Variants in WLS observed in about 807,000 individuals in gnomAD.
The protein encoded by WLS is protein wntless homolog.
In WLS, 23 loss-of-function variants were observed where a neutral mutation model predicts 62.8. The ratio of observed to expected loss-of-function variants is 0.37; its 90% CI spans 0.26 to 0.52. The LOEUF (loss-of-function observed/expected upper bound fraction) is 0.52, where lower values mean the gene tolerates loss of function less well. Ranked by LOEUF, WLS falls within the 20% of genes least tolerant of loss-of-function variation. WLS has a pLI of 0.92. For missense variants in WLS, 615 were observed against 697.3 expected, an observed-to-expected ratio of 0.88 and a Z score of 1.33; for synonymous variants, 246 against 244.1, an observed-to-expected ratio of 1.01 and a Z score of -0.07.
At chr1:68,148,490 A>C in intron 7 of WLS, 73 bp downstream of exon 7, 1 of 1,485,176 alleles carries the variant, frequency 6.7e-7, no homozygotes, top group Non-Finnish European at 9.3e-7. Flanking sequence ...CTTTTCAAAC[A>C]CTCCTCCTAA....
At position 68,229,260 on chromosome 1, in the gene WLS, C is replaced by T. The variant is rs150806330; in HGVS notation, c.106+2934G>A. Among the ~76,000 whole-genome samples, 686 of 152,176 alleles carry T rather than the reference C, an allele frequency of 4.5e-3. 3 individuals carry two copies. The highest frequency in any genetic ancestry group is 8.3e-3 in the Non-Finnish European group (565 of 68,012). ...GTGTGTGGTGTATGCAGTACTCACA[C>T]CCTTACAAACAAGAGCTTTGCCATT... is the stretch of plus-strand genomic sequence containing the variant. On this transcript the variant is annotated intron_variant, in intron 1 of 11. Coordinates refer to ENST00000262348, the MANE Select transcript of WLS (RefSeq NM_024911.7).
intron 1 of WLS, among the ~76,000 whole-genome samples, chr1:68,227,484 T>G (rs529856145): frequency 1.9e-4 from 29 of 151,428 alleles, no homozygotes; most frequent in African/African-American, 7.1e-4. Context: ...AATAGTTAAG[T>G]TTTTTTTAAG....
intron 1 of WLS, among the ~76,000 whole-genome samples, chr1:68,205,693 C>A (rs554581582): frequency 2.2e-4 from 33 of 152,224 alleles, no homozygotes; most frequent in African/African-American, 6.5e-4. Context: ...AAGATTTTGG[C>A]CATTTCTTTA....
In WLS at chr1:68,150,295, T is replaced by A. The variant is rs769455841; in HGVS notation, c.865A>T (p.Ile289Phe). 1 of 1,614,224 alleles carries A rather than the reference T, an allele frequency of 6.2e-7. No homozygotes were observed. Among genetic ancestry groups the A allele is most frequent in the South Asian group, 1.1e-5 (1 of 91,074 alleles). Reference protein sequence around the residue: ...FINIPVEWFSIGFDWTWMLLF... With the variant: ...FINIPVEWFSFGFDWTWMLLF... ...AGCATCCAGGTCCAGTCAAACCCGA[T>A]GGAAAACCATTCCACTGGGATATTG... The change falls in exon 6 of 12, where the codon ATC becomes TTC. Residue 289 changes from isoleucine to phenylalanine, a missense_variant. Coordinates refer to ENST00000262348, the MANE Select transcript of WLS (RefSeq NM_024911.7).
At chr1:68,216,452 G>C (rs184576491) in intron 1 of WLS, among the ~76,000 whole-genome samples, 1 of 152,208 alleles carries the variant, frequency 6.6e-6, no homozygotes. Context: ...AGTGCATTAC[G>C]CAGATTTCAC....
rs1650471375 is a variant in WLS, at chr1:68,232,375, A to C, written c.-76T>G. On this transcript the variant is annotated 5_prime_UTR_variant, in exon 1 of 12. Coordinates refer to ENST00000262348, the MANE Select transcript of WLS (RefSeq NM_024911.7). ...AGCTTTTTGCTCCCTCCTCTCACAC[A>C]CTCCCTCCTTCCTCGCCTCCTTTCT... The C allele has an allele frequency of 3.3e-6, 5 of 1,529,462 alleles. No individual in the cohort carries two copies. Among genetic ancestry groups the C allele is most frequent in the Middle Eastern group, 1.7e-4 (1 of 5,816 alleles). The allele number at this position is 1,529,462 out of a possible 1,614,324, so 94.7% of individuals were successfully genotyped here. A position where few individuals can be genotyped will look rare whatever the true frequency, so the allele number is the denominator to read the frequency against.
At chr1:68,230,173 G>C (rs1650343088) in intron 1 of WLS, among the ~76,000 whole-genome samples, 1 of 152,040 alleles carries the variant, frequency 6.6e-6, no homozygotes, top group Admixed American at 6.6e-5. Flanking sequence ...TGGATAATGG[G>C]CTCTGTCTGC....
rs565089941 is a variant in WLS, at chr1:68,231,477, C to T, written c.106+717G>A. 54 of 283,136 alleles carry T rather than the reference C, an allele frequency of 1.9e-4. 1 individual carries two copies. Among genetic ancestry groups the T allele is most frequent in the South Asian group, 1.7e-3 (53 of 31,276 alleles). 17.5% of individuals were successfully genotyped at this position (283,136 alleles called of 1,614,324 possible). Reference sequence around the variant, plus strand: ...AGTGGGCAGGAGGCCAAAAGCAACACCTTTCGGATACGCTTTTCCCCTCCG... The same window carrying T: ...AGTGGGCAGGAGGCCAAAAGCAACATCTTTCGGATACGCTTTTCCCCTCCG... On this transcript the variant is annotated intron_variant, in intron 1 of 11. Transcript: ENST00000262348.
chr1:68,183,252 C>A (rs865999696), intron 2 of WLS, among the ~76,000 whole-genome samples: 1 of 151,966 alleles, frequency 6.6e-6, no homozygotes, highest in Non-Finnish European at 1.5e-5. Flanking sequence ...AAGACATGGT[C>A]GTAAATGAAA....
intron 2 of WLS, among the ~76,000 whole-genome samples, chr1:68,171,436 C>T (rs143604361): frequency 6.6e-6 from 1 of 152,026 alleles, no homozygotes; most frequent in Non-Finnish European, 1.5e-5. Flanking sequence ...GGGCTAATAT[C>T]CAGAATCTAC....
At chr1:68,118,535 A>C (rs563006561) in intron 11 of WLS, among the ~76,000 whole-genome samples, 8 of 152,236 alleles carry the variant, frequency 5.3e-5, no homozygotes, top group Admixed American at 2.6e-4. Flanking sequence ...AATATACTTC[A>C]CAATGATAGG....
intron 2 of WLS, among the ~76,000 whole-genome samples, chr1:68,188,219 G>A (rs894006632): frequency 5.3e-5 from 8 of 152,148 alleles, no homozygotes; most frequent in Non-Finnish European, 8.8e-5. Context: ...AATTTCATCA[G>A]TGTAAAAAAT....
chr1:68,137,740 T>G, intron 11 of WLS, 40 bp downstream of exon 11: 1 of 1,588,748 alleles, frequency 6.3e-7, no homozygotes, highest in African/African-American at 1.4e-5. Flanking sequence ...AGAAGCCTAT[T>G]TATCCTGACT....
chr1:68,111,856 G>A (rs993673335), intron 11 of WLS, among the ~76,000 whole-genome samples: 12 of 152,300 alleles, frequency 7.9e-5, no homozygotes, highest in South Asian at 2.1e-4. Context: ...AGAAGATTTA[G>A]TTGAATTCAA....
intron 1 of WLS, among the ~76,000 whole-genome samples, chr1:68,211,882 C>G (rs1024834382): frequency 6.6e-6 from 1 of 152,122 alleles, no homozygotes; most frequent in African/African-American, 2.4e-5. Flanking sequence ...GTTGATTCTG[C>G]CTGGCTGCAT....
intron 2 of WLS, among the ~76,000 whole-genome samples, chr1:68,170,167 T>TCTTTC (rs200999155): frequency 7.7e-6 from 1 of 129,560 alleles, no homozygotes; most frequent in African/African-American, 2.8e-5. Flanking sequence ...TTTCTTTTTT[T>TCTTTC]TTTTTTTTTT....
intron 2 of WLS, among the ~76,000 whole-genome samples, chr1:68,173,347 ACT>A (rs1426621977): frequency 2.0e-5 from 3 of 152,164 alleles, no homozygotes; most frequent in Admixed American, 6.5e-5. Flanking sequence ...TCTCCAGGAC[ACT>A]GTCAGTACAC....
chr1:68,101,109 C>A (rs957458090), intron 11 of WLS, among the ~76,000 whole-genome samples: 2 of 152,204 alleles, frequency 1.3e-5, no homozygotes, highest in Non-Finnish European at 2.9e-5. Flanking sequence ...AGGATGGCCA[C>A]CTGCAGGCTG....
intron 1 of WLS, chr1:68,231,560 A>ACCCCACCCCCCCG: frequency 6.8e-6 from 1 of 146,654 alleles, no homozygotes; most frequent in Non-Finnish European, 1.4e-5. Context: ...ACCCCATCCC[A>ACCCCACCCCCCCG]CCCAACCTCC....
Sources: gnomAD v4.1 joint callset for allele counts (sites outside exome capture counted in the v4.1 genomes callset) on GRCh38, gnomAD v4.1.1 for gene constraint, MANE v1.5 for transcripts, NCBI Gene and HGNC (gene_info 2026-07-23, HGNC 2026-07-21) for gene names.